Variants in MAP4K4 observed in about 807,000 individuals in gnomAD.
MAP4K4 encodes mitogen-activated protein kinase kinase kinase kinase 4.
MAP4K4 carries 38 observed loss-of-function variants against 189.6 expected under a neutral mutation model. That is an observed-to-expected ratio of 0.20 (90% CI 0.15 to 0.26). The LOEUF (loss-of-function observed/expected upper bound fraction) is 0.26, where lower values mean the gene tolerates loss of function less well. Ranked by LOEUF, MAP4K4 falls within the 10% of genes least tolerant of loss-of-function variation. The pLI, the probability that MAP4K4 is intolerant of heterozygous loss-of-function variation, is 1.00. For synonymous variants in MAP4K4, 610 were observed against 624.3 expected, an observed-to-expected ratio of 0.98 and a Z score of 0.34; for missense variants, 1,054 against 1,726.9, an observed-to-expected ratio of 0.61 and a Z score of 6.91.
rs752763857 is a variant in MAP4K4, at chr2:101,877,388, TCTCTCACTG to T, written c.3385+244_3385+252del. On this transcript the variant is annotated intron_variant, in intron 27 of 32. Transcript: ENST00000324219. ...ATGAATGTGCTCTTTCTCACTGGCA[TCTCTCACTG>T]CCCTCTCTGCCCAGTTGCTTGTTAG... 5.5e-4 allele frequency among the ~76,000 whole-genome samples: 84 copies of T among 152,254 alleles called. No homozygotes were observed. The Middle Eastern group carries it at 0.01, about 18-fold the overall frequency.
intron 2 of MAP4K4, among the ~76,000 whole-genome samples, chr2:101,708,143 T>C (rs973574609): frequency 6.6e-6 from 1 of 152,228 alleles, no homozygotes; most frequent in Non-Finnish European, 1.5e-5. Context: ...TGATCTCTAC[T>C]ACCTCTTTTC....
intron 5 of MAP4K4, among the ~76,000 whole-genome samples, chr2:101,825,686 C>G (rs923154465): frequency 6.6e-6 from 1 of 152,072 alleles, no homozygotes; most frequent in African/African-American, 2.4e-5. Context: ...CATGACATAC[C>G]TATTGGCAGC....
At chr2:101,798,685 A>G (rs759968510) in intron 3 of MAP4K4, among the ~76,000 whole-genome samples, 2 of 152,246 alleles carry the variant, frequency 1.3e-5, no homozygotes, top group Non-Finnish European at 2.9e-5. Flanking sequence ...GCAATGCTAT[A>G]TAAGTAGTAG....
At chr2:101,864,935 T>A in exon 18 of MAP4K4, 1 of 1,563,772 alleles carries the variant, frequency 6.4e-7, no homozygotes, top group Non-Finnish European at 8.7e-7. Flanking sequence ...TAAAGGTTCC[T>A]GTGAGAACAA....
At chr2:101,722,354 C>G (rs2052649809) in intron 2 of MAP4K4, among the ~76,000 whole-genome samples, 1 of 152,192 alleles carries the variant, frequency 6.6e-6, no homozygotes, top group Non-Finnish European at 1.5e-5. Context: ...CCCTGCAACT[C>G]TGATGAAGGG....
At chr2:101,843,567 C>T (rs1355674806) in intron 11 of MAP4K4, among the ~76,000 whole-genome samples, 4 of 152,014 alleles carry the variant, frequency 2.6e-5, no homozygotes, top group South Asian at 2.1e-4. Context: ...AGAAGTAACT[C>T]GGTGGGGAGG....
chr2:101,879,396 C>T (rs1319172334), intron 27 of MAP4K4, among the ~76,000 whole-genome samples: 1 of 151,460 alleles, frequency 6.6e-6, no homozygotes, highest in African/African-American at 2.4e-5. Context: ...AAAATGTCAC[C>T]CCCATCTCAG....
At chr2:101,754,491 A>G (rs1164315849) in intron 2 of MAP4K4, among the ~76,000 whole-genome samples, 1 of 151,878 alleles carries the variant, frequency 6.6e-6, no homozygotes, top group East Asian at 1.9e-4. Context: ...AGCTGGGACT[A>G]CAGGTGTGTA....
intron 2 of MAP4K4, among the ~76,000 whole-genome samples, chr2:101,748,297 G>T (rs951563232): frequency 6.6e-6 from 1 of 152,148 alleles, no homozygotes; most frequent in African/African-American, 2.4e-5. Context: ...GTGTGTGTGG[G>T]TATGTGCCTC....
intron 2 of MAP4K4, among the ~76,000 whole-genome samples, chr2:101,734,499 A>G (rs1182628673): frequency 1.3e-5 from 2 of 152,218 alleles, no homozygotes; most frequent in African/African-American, 2.4e-5. Context: ...TTTAAAATTT[A>G]CATTCTTTCG....
At chr2:101,766,152 A>T (rs1417453123) in intron 2 of MAP4K4, among the ~76,000 whole-genome samples, 1 of 152,148 alleles carries the variant, frequency 6.6e-6, no homozygotes, top group Non-Finnish European at 1.5e-5. Context: ...TTGCCTGATG[A>T]ATTGAACTAA....
intron 28 of MAP4K4, among the ~76,000 whole-genome samples, chr2:101,883,611 A>G (rs1012676634): frequency 6.6e-6 from 1 of 152,254 alleles, no homozygotes; most frequent in Non-Finnish European, 1.5e-5. Flanking sequence ...GAAAGATGTT[A>G]TAGTCTAACA....
At chr2:101,701,300 C>A (rs1293365069) in intron 2 of MAP4K4, among the ~76,000 whole-genome samples, 1 of 151,980 alleles carries the variant, frequency 6.6e-6, no homozygotes, top group Non-Finnish European at 1.5e-5. Flanking sequence ...TTGGGGCGAA[C>A]GACTCTCCTG....
chr2:101,855,937 C>T (rs185935913), intron 12 of MAP4K4, 40 bp from the exon 13 acceptor site: 29 of 1,529,602 alleles, frequency 1.9e-5, no homozygotes, highest in South Asian at 9.8e-5. Flanking sequence ...AGAAAGATGG[C>T]GGGAAGATCC....
chr2:101,745,402 T>G (rs2064915892), intron 2 of MAP4K4, among the ~76,000 whole-genome samples: 1 of 118,288 alleles, frequency 8.5e-6, no homozygotes. Context: ...TGGTCTCTGG[T>G]GATTTCCTAC....
In MAP4K4 at chr2:101,785,836, C is replaced by A. The variant is rs57104386; in HGVS notation, c.124-4884C>A. On this transcript the variant is annotated intron_variant, in intron 2 of 32. Transcript: ENST00000324219. ...TTTCTTTCTTTCTTTCTTTCTTTCC[C>A]TTTTTTGAGTTGGAGTCTTGCTCTG... Among the ~76,000 whole-genome samples the A allele has an allele frequency of 2.2e-3, 319 of 143,384 alleles. 14 individuals carry two copies. The highest frequency in any genetic ancestry group is 8.1e-3 in the African/African-American group (295 of 36,370). 94.1% of individuals were successfully genotyped at this position (143,384 alleles called of 152,430 possible). A position where few individuals can be genotyped will look rare whatever the true frequency, so the allele number is the denominator to read the frequency against.
chr2:101,738,479 A>G (rs922115646), intron 2 of MAP4K4, among the ~76,000 whole-genome samples: 3 of 152,202 alleles, frequency 2.0e-5, no homozygotes, highest in Admixed American at 1.3e-4. Context: ...AGTTGAAGTC[A>G]GTTTGGGTTG....
At position 101,844,072 on chromosome 2, in the gene MAP4K4, AC is replaced by A. The variant is rs763900625; in HGVS notation, c.1023-25del. 3 of 1,542,142 alleles carry A rather than the reference AC, an allele frequency of 1.9e-6. No homozygotes were observed. In the South Asian group the frequency reaches 3.5e-5, roughly 18 times the overall value. ...TTATAGGACAGTGTGATCGGTGCAC[AC>A]CCCTGAAAGCCCTGCTTTTTCCAAC... is the stretch of plus-strand genomic sequence containing the variant. On this transcript the variant is annotated intron_variant, in intron 11 of 32. Coordinates refer to ENST00000324219, the Ensembl canonical transcript of MAP4K4.
intron 2 of MAP4K4, among the ~76,000 whole-genome samples, chr2:101,730,503 T>TG (rs1396332189): frequency 2.0e-5 from 3 of 152,102 alleles, no homozygotes; most frequent in African/African-American, 7.2e-5. Context: ...GAAGGTTGGG[T>TG]GGGGGAAGGA....
Sources: allele counts gnomAD v4.1 joint callset (sites outside exome capture counted in the v4.1 genomes callset), GRCh38; gene constraint gnomAD v4.1.1; transcripts MANE v1.5; gene names NCBI Gene and HGNC (gene_info 2026-07-23, HGNC 2026-07-21).